The following ITGB1 variants were observed in gnomAD, a reference collection of about 807,000 sequenced individuals.
ITGB1 encodes integrin subunit beta 1.
A neutral mutation model predicts 86.5 loss-of-function variants in ITGB1; 24 were observed. The observed-to-expected ratio is 0.28, with a 90% CI of 0.20 to 0.39. The LOEUF (loss-of-function observed/expected upper bound fraction) is 0.39, where lower values mean the gene tolerates loss of function less well. ITGB1 is among the 10% of genes least tolerant of loss of function. The pLI is 1.00. For missense variants in ITGB1, 556 were observed against 946.9 expected, an observed-to-expected ratio of 0.59 and a Z score of 5.42; for synonymous variants, 323 against 316.8, an observed-to-expected ratio of 1.02 and a Z score of -0.21.
At chr10:32,932,086 A>T (rs1318004233) in intron 3 of ITGB1, among the ~76,000 whole-genome samples, 1 of 152,116 alleles carries the variant, frequency 6.6e-6, no homozygotes, top group East Asian at 1.9e-4. Context: ...AGTCAAACTA[A>T]ATGACTAGGA....
chr10:32,907,079 G>C (rs1202153659), intron 15 of ITGB1: 1 of 1,357,588 alleles, frequency 7.4e-7, no homozygotes. Context: ...TTAGAGACCA[G>C]CTTTACGTCC....
chr10:32,939,467 G>A lies in ITGB1; in HGVS notation c.1-3909C>T, dbSNP rs184469937. The stretch of plus-strand genomic sequence containing the variant: ...ACAGTGCACTTACACAAACCGAGAT[G>A]GTGTGGCCTCCTACACATCCAGGCT... On this transcript the variant is annotated intron_variant, in intron 1 of 15. Transcript: ENST00000302278. Among the ~76,000 whole-genome samples the A allele has an allele frequency of 1.1e-4, 16 of 152,304 alleles. No homozygotes were observed. The East Asian group carries it at 3.1e-3, about 29-fold the overall frequency.
intron 1 of ITGB1, among the ~76,000 whole-genome samples, chr10:32,938,369 AC>A (rs1379417963): frequency 1.3e-5 from 2 of 152,238 alleles, no homozygotes; most frequent in African/African-American, 4.8e-5. Flanking sequence ...ATGGACAGAT[AC>A]ATGTTTCTTC....
At chr10:32,916,754 T>C (rs1350773084) in intron 11 of ITGB1, among the ~76,000 whole-genome samples, 1 of 152,126 alleles carries the variant, frequency 6.6e-6, no homozygotes, top group Non-Finnish European at 1.5e-5. Flanking sequence ...ATCGTGAAAA[T>C]GGCCATACTG....
intron 1 of ITGB1, among the ~76,000 whole-genome samples, chr10:32,949,056 T>C (rs569846607): frequency 3.3e-5 from 5 of 150,962 alleles, no homozygotes; most frequent in Admixed American, 6.6e-5. Context: ...TAAGTTTTGA[T>C]GATTTAAAGT....
intron 6 of ITGB1, among the ~76,000 whole-genome samples, chr10:32,924,215 C>A (rs1180917148): frequency 1.3e-5 from 2 of 152,158 alleles, no homozygotes; most frequent in African/African-American, 4.8e-5. Flanking sequence ...TATCAGCCCA[C>A]CATATGAGGC....
At chr10:32,923,832 T>C (rs2094957114) in intron 6 of ITGB1, 92 bp from the exon 7 acceptor site, 1 of 1,054,296 alleles carries the variant, frequency 9.5e-7, no homozygotes, top group Non-Finnish European at 1.4e-6. Context: ...ATTGTATTTT[T>C]AACCTAATTC....
chr10:32,922,595 A>G lies in ITGB1; in HGVS notation c.1038+45T>C, dbSNP rs2094953575. On this transcript the variant is annotated intron_variant, in intron 8 of 15. Transcript: ENST00000302278. ...ATTCAGACATGATTTGCCTCTAACAATCAAAAATGTTTAGAATCTTGTTCT... is the reference window on the plus strand; with the variant it reads ...ATTCAGACATGATTTGCCTCTAACAGTCAAAAATGTTTAGAATCTTGTTCT... The G allele has an allele frequency of 2.4e-6, 3 of 1,252,016 alleles. No homozygotes were observed. In the East Asian group the frequency reaches 7.1e-5, roughly 30 times the overall value. The allele number at this position is 1,252,016 out of a possible 1,614,324, so 77.6% of individuals were successfully genotyped here.
At chr10:32,944,307 C>A (rs1425199909) in intron 1 of ITGB1, among the ~76,000 whole-genome samples, 1 of 152,234 alleles carries the variant, frequency 6.6e-6, no homozygotes, top group African/African-American at 2.4e-5. Flanking sequence ...GCAGCGCTGC[C>A]AGCTGGCTGG....
chr10:32,945,107 A>G (rs1243501042), intron 1 of ITGB1: 5 of 392,644 alleles, frequency 1.3e-5, no homozygotes, highest in Non-Finnish European at 2.4e-5. Context: ...TTTGAAAGTT[A>G]TATTACTTTT....
chr10:32,926,149 G>GAATA, intron 5 of ITGB1, 40 bp from the exon 6 acceptor site: 1 of 1,319,582 alleles, frequency 7.6e-7, no homozygotes, highest in South Asian at 1.2e-5. Context: ...ATGAATGGAT[G>GAATA]GATAGATGGA....
rs2094956773 is a variant in ITGB1, at chr10:32,923,720, A to G, written c.807T>C (p.Asn269=). 6.2e-7 allele frequency: 1 copy of G among 1,613,212 alleles called. No individual in the cohort carries two copies. Among genetic ancestry groups the G allele is most frequent in the Non-Finnish European group, 8.5e-7 (1 of 1,179,684 alleles). Residue 269 remains asparagine, a synonymous_variant, in exon 7 of 16, where the codon AAT becomes AAC. Transcript: ENST00000302278. ...AVCGSLIGWR[N]VTRLLVFSTD... is the part of the protein sequence containing the mutation. ...TGGAAAACACCAGCAGCCGTGTAAC[A>G]TTCCTCCAGCCAATCAGTGACTTGA...
At chr10:32,944,252 A>G (rs1161393506) in intron 1 of ITGB1, among the ~76,000 whole-genome samples, 1 of 152,234 alleles carries the variant, frequency 6.6e-6, no homozygotes, top group Admixed American at 6.5e-5. Flanking sequence ...AAACTGCTAG[A>G]CCAGAGTTCA....
chr10:32,939,178 G>A (rs1021186798), intron 1 of ITGB1, among the ~76,000 whole-genome samples: 6 of 152,220 alleles, frequency 3.9e-5, no homozygotes, highest in African/African-American at 1.4e-4. Flanking sequence ...CTTATGCTGA[G>A]AAAAGGACCT....
At chr10:32,935,677 C>A (rs1402677285) in intron 1 of ITGB1, 119 bp from the exon 2 acceptor site, 1 of 702,228 alleles carries the variant, frequency 1.4e-6, no homozygotes, top group Non-Finnish European at 2.4e-6. Flanking sequence ...GGCTCTCAAA[C>A]CATTTCACTC....
intron 10 of ITGB1, 21 bp from the exon 11 acceptor site, chr10:32,920,105 T>G (rs752496276): frequency 8.8e-6 from 14 of 1,599,288 alleles, no homozygotes; most frequent in Non-Finnish European, 1.2e-5. Flanking sequence ...AAAAAAAGAT[T>G]AACAACCAAC....
At chr10:32,922,384 T>C (rs1474552197) in intron 8 of ITGB1, 38 bp from the exon 9 acceptor site, 1 of 1,365,210 alleles carries the variant, frequency 7.3e-7, no homozygotes, top group Non-Finnish European at 1.0e-6. Context: ...ATACAACTGC[T>C]ATTCATTCAA....
intron 1 of ITGB1, among the ~76,000 whole-genome samples, chr10:32,942,175 G>C (rs1271345860): frequency 6.6e-6 from 1 of 152,210 alleles, no homozygotes; most frequent in African/African-American, 2.4e-5. Context: ...AAGAGGGATG[G>C]CATGTGCAGC....
At chr10:32,909,204 C>T (rs532467159) in intron 14 of ITGB1, among the ~76,000 whole-genome samples, 1 of 152,258 alleles carries the variant, frequency 6.6e-6, no homozygotes, top group South Asian at 2.1e-4. Context: ...GAGTCAGAAA[C>T]AGGCCTACAC....
Sources: allele counts gnomAD v4.1 joint callset (sites outside exome capture counted in the v4.1 genomes callset), GRCh38; gene constraint gnomAD v4.1.1; transcripts MANE v1.5; gene names NCBI Gene and HGNC (gene_info 2026-07-23, HGNC 2026-07-21).